The following LYZL1 variants were observed in gnomAD, a reference collection of about 807,000 sequenced individuals.
The protein encoded by LYZL1 is lysozyme like 1, also known as lysozyme-like protein 1.
A neutral mutation model predicts 17.9 loss-of-function variants in LYZL1; 16 were observed. The observed-to-expected ratio is 0.90, with a 90% CI of 0.61 to 1.36. The LOEUF (loss-of-function observed/expected upper bound fraction) is 1.36, where lower values mean the gene tolerates loss of function less well. LYZL1 is among the 40% of genes most tolerant of loss of function. The pLI is 0.00. For missense variants in LYZL1, 149 were observed against 188.4 expected (o/e 0.79, Z 1.22); for synonymous variants, 58 against 71.8 (o/e 0.81, Z 0.97).
chr10:29,300,542 G>GA (rs1417668668), intron 3 of LYZL1, among the ~76,000 whole-genome samples: 5 of 151,878 alleles, frequency 3.3e-5, no homozygotes, highest in Admixed American at 2.6e-4. Context: ...TTTTAAATGA[G>GA]AAAAAAGTTC....
At chr10:29,304,314 A>G (rs986809296) in intron 3 of LYZL1, among the ~76,000 whole-genome samples, 5 of 152,206 alleles carry the variant, frequency 3.3e-5, no homozygotes, top group Non-Finnish European at 5.9e-5. Flanking sequence ...TGAGGAAAAA[A>G]TGATTATTGA....
intron 3 of LYZL1, among the ~76,000 whole-genome samples, chr10:29,307,570 G>A (rs78946850): frequency 0.049 from 7,520 of 152,256 alleles, 200 homozygotes; most frequent in Middle Eastern, 0.12. Context: ...ATTGGCATTA[G>A]CCAATACAGC....
intron 4 of LYZL1, 31 bp downstream of exon 4, chr10:29,310,219 G>T: frequency 6.6e-7 from 1 of 1,507,464 alleles, no homozygotes. Context: ...GACTTGTGCT[G>T]TCATGGGCAA....
chr10:29,296,027 C>T (rs565891663), intron 3 of LYZL1, among the ~76,000 whole-genome samples: 1 of 152,282 alleles, frequency 6.6e-6, no homozygotes, highest in African/African-American at 2.4e-5. Flanking sequence ...TGTGAATCCC[C>T]TGGCACTCTT....
intron 3 of LYZL1, among the ~76,000 whole-genome samples, chr10:29,301,574 G>C (rs1237857439): frequency 6.6e-6 from 1 of 152,062 alleles, no homozygotes; most frequent in Non-Finnish European, 1.5e-5. Flanking sequence ...TTTGTCCCCT[G>C]TATGTAATAT....
intron 1 of LYZL1, among the ~76,000 whole-genome samples, chr10:29,291,553 G>T (rs1835365387): frequency 6.6e-6 from 1 of 150,610 alleles, no homozygotes; most frequent in African/African-American, 2.4e-5. Flanking sequence ...TCCTAAAAAT[G>T]CCCCCTGTGG....
At chr10:29,297,077 T>C (rs1244287435) in intron 3 of LYZL1, among the ~76,000 whole-genome samples, 1 of 134,128 alleles carries the variant, frequency 7.5e-6, no homozygotes, top group South Asian at 2.6e-4. Context: ...AGCAAGATGC[T>C]TTTTTTGAAA....
chr10:29,294,778 C>T (rs548215003), intron 3 of LYZL1, among the ~76,000 whole-genome samples: 3 of 152,264 alleles, frequency 2.0e-5, no homozygotes, highest in South Asian at 2.1e-4. Context: ...ATCCCAAGAC[C>T]CCCAGCTGAT....
chr10:29,299,621 G>A (rs78435564), intron 3 of LYZL1, among the ~76,000 whole-genome samples: 42 of 152,116 alleles, frequency 2.8e-4, no homozygotes, highest in African/African-American at 8.7e-4. Context: ...CATATTCATC[G>A]AGGACTGTTA....
intron 3 of LYZL1, among the ~76,000 whole-genome samples, chr10:29,301,649 G>A (rs528599037): frequency 6.6e-6 from 1 of 152,104 alleles, no homozygotes; most frequent in South Asian, 2.1e-4. Flanking sequence ...ATTTGATTAT[G>A]TGTGATATTT....
intron 3 of LYZL1, among the ~76,000 whole-genome samples, chr10:29,299,037 G>A (rs909386116): frequency 9.2e-5 from 14 of 152,270 alleles, no homozygotes; most frequent in African/African-American, 2.9e-4. Flanking sequence ...GGAAGACAGC[G>A]GTAGATCATC....
intron 3 of LYZL1, among the ~76,000 whole-genome samples, chr10:29,306,796 A>ATG (rs35332190): frequency 0.055 from 7,721 of 141,068 alleles, 260 homozygotes; most frequent in African/African-American, 0.11. Flanking sequence ...CCGCTTATGT[A>ATG]TGTGTGTGTG....
intron 4 of LYZL1, 96 bp from the exon 5 acceptor site, chr10:29,310,894 G>C (rs1188157830): frequency 6.3e-7 from 1 of 1,589,762 alleles, no homozygotes; most frequent in Non-Finnish European, 8.6e-7. Flanking sequence ...CCAGGGTTCC[G>C]CTGGCGATTT....
intron 3 of LYZL1, among the ~76,000 whole-genome samples, chr10:29,293,256 G>C (rs1835401974): frequency 6.6e-6 from 1 of 150,582 alleles, no homozygotes; most frequent in Non-Finnish European, 1.5e-5. Context: ...CCTCTGGGTA[G>C]CTAGAACTAT....
At chr10:29,316,677 G>GA (rs1455624566) in intron 3 of LYZL1, among the ~76,000 whole-genome samples, 2 of 140,844 alleles carry the variant, frequency 1.4e-5, no homozygotes, top group East Asian at 4.2e-4. Flanking sequence ...TTTCTTCCAG[G>GA]TTTTTTTTTT....
chr10:29,318,045 A>T (rs11007524), intron 4 of LYZL1: 1 of 449,594 alleles, frequency 2.2e-6, no homozygotes, highest in Non-Finnish European at 2.9e-6. Context: ...GACACTTTGA[A>T]AGGATAAACT....
downstream of LYZL1, among the ~76,000 whole-genome samples, chr10:29,314,597 G>A (rs1227145619): frequency 1.3e-5 from 2 of 152,214 alleles, no homozygotes; most frequent in South Asian, 2.1e-4. Flanking sequence ...CTGGATGACC[G>A]AGTGAGGCCC....
chr10:29,289,091 C>T lies in LYZL1; in HGVS notation c.-165C>T, dbSNP rs764241939. 3.2e-5 allele frequency: 50 copies of T among 1,545,328 alleles called. No individual in the cohort carries two copies. Among genetic ancestry groups the T allele is most frequent in the African/African-American group, 1.1e-4 (8 of 72,816 alleles). On this transcript the variant is annotated 5_prime_UTR_variant, in exon 1 of 5. Transcript: ENST00000649382. ...AGCTAGGAAAGGATTACTCGCGCCT[C>T]GTTAGAATCAGACATGGCTTCAGGG...
chr10:29,300,197 A>T (rs922732998), intron 3 of LYZL1, among the ~76,000 whole-genome samples: 5 of 152,010 alleles, frequency 3.3e-5, no homozygotes, highest in African/African-American at 9.7e-5. Flanking sequence ...TTTTCTGTTT[A>T]TGCCATCTAT....
Sources: allele counts gnomAD v4.1 joint callset (sites outside exome capture counted in the v4.1 genomes callset), GRCh38; gene constraint gnomAD v4.1.1; transcripts MANE v1.5; gene names NCBI Gene and HGNC (gene_info 2026-07-23, HGNC 2026-07-21).